CCDC7: variants seen among roughly 807,000 people sequenced by gnomAD.
The protein encoded by CCDC7 is coiled-coil domain containing 7.
Under a neutral mutation model 196.9 loss-of-function variants are expected in CCDC7, and 183 were observed. The observed-to-expected ratio is 0.93, with a 90% CI of 0.82 to 1.05. The LOEUF (loss-of-function observed/expected upper bound fraction) is 1.05. Ranked by LOEUF, CCDC7 falls within the 50% of genes least tolerant of loss-of-function variation. CCDC7 has a pLI of 0.00. For missense variants in CCDC7, 1,540 were observed against 1,482.2 expected, an observed-to-expected ratio of 1.04 and a Z score of -0.64; for synonymous variants, 525 against 484.6, an observed-to-expected ratio of 1.08 and a Z score of -1.10.
At chr10:32,747,768 A>G (rs2075030499) in intron 28 of CCDC7, among the ~76,000 whole-genome samples, 2 of 152,224 alleles carry the variant, frequency 1.3e-5, no homozygotes, top group Non-Finnish European at 2.9e-5. Flanking sequence ...GTTGGAATGT[A>G]AATTAGTTCA....
intron 41 of CCDC7, among the ~76,000 whole-genome samples, chr10:32,874,753 T>TACACACACACACACAC (rs3035173): frequency 0.047 from 6,847 of 145,226 alleles, 192 homozygotes; most frequent in East Asian, 0.1. Flanking sequence ...CCAACATATC[T>TACACACACACACACAC]ACACACACAC....
In CCDC7 at chr10:32,676,285, A is replaced by G. The variant is rs12244308; in HGVS notation, c.2123-9685A>G. ...AAAAACCCTAGAAGAAAACCTAGGC[A>G]ATACCATTCAGGACATAGGCATGGG... On this transcript the variant is annotated intron_variant, in intron 21 of 41. Transcript: ENST00000639629. Among the ~76,000 whole-genome samples the G allele has an allele frequency of 4.7e-3, 716 of 151,178 alleles. 10 individuals carry two copies. The highest frequency in any genetic ancestry group is 0.017 in the African/African-American group (692 of 41,140).
intron 28 of CCDC7, among the ~76,000 whole-genome samples, chr10:32,766,816 T>C (rs184492142): frequency 6.6e-6 from 1 of 152,216 alleles, no homozygotes; most frequent in Admixed American, 6.6e-5. Flanking sequence ...CAAATACCTA[T>C]GGTCTCCACT....
chr10:32,500,007 A>G (rs1001604078), intron 9 of CCDC7, among the ~76,000 whole-genome samples: 1 of 152,212 alleles, frequency 6.6e-6, no homozygotes, highest in Non-Finnish European at 1.5e-5. Flanking sequence ...ACTTCTTTCT[A>G]CACAGACACA....
rs560147234 is a variant in CCDC7, at chr10:32,874,674, TAC to T, written c.4112-1661_4112-1660del. ...GTGTGTATGTATATATATATATACA[TAC>T]ACACACACACATACACACATATGTA... On this transcript the variant is annotated intron_variant, in intron 41 of 41. Transcript: ENST00000639629. 8.7e-5 allele frequency among the ~76,000 whole-genome samples: 13 copies of T among 149,192 alleles called. No homozygotes were observed. In the South Asian group the frequency reaches 1.3e-3, roughly 15 times the overall value.
chr10:32,845,816 C>A, intron 35 of CCDC7, 60 bp from the exon 37 acceptor site: 2 of 1,324,480 alleles, frequency 1.5e-6, no homozygotes, highest in Admixed American at 1.7e-5. Flanking sequence ...CACAGATACA[C>A]ACAGAGGTAT....
intron 21 of CCDC7, among the ~76,000 whole-genome samples, chr10:32,668,929 T>G (rs2073438171): frequency 6.6e-6 from 1 of 152,148 alleles, no homozygotes. Flanking sequence ...CTGCCAGTGT[T>G]CTGTAGAATA....
Position 32,708,943 on chromosome 10 carries a change from C to G in CCDC7, c.2459-2677C>G, listed in dbSNP as rs2080303534. On this transcript the variant is annotated intron_variant, in intron 24 of 41. Coordinates refer to ENST00000639629, the Ensembl canonical transcript of CCDC7. ...CCTCAAGCATCTAGAACTAGAAATA[C>G]CATTTGACCCAGCACTCCCATTACT... 2.0e-5 allele frequency among the ~76,000 whole-genome samples: 3 copies of G among 152,126 alleles called. No individual in the cohort carries two copies. In the South Asian group the frequency reaches 6.2e-4, roughly 32 times the overall value.
intron 20 of CCDC7, among the ~76,000 whole-genome samples, chr10:32,639,686 G>GGC (rs2066355338): frequency 1.3e-5 from 2 of 149,342 alleles, no homozygotes; most frequent in Non-Finnish European, 3.0e-5. Context: ...GGAGTGCAGT[G>GGC]GCACGATCTC....
intron 25 of CCDC7, among the ~76,000 whole-genome samples, chr10:32,718,194 T>C (rs1405248010): frequency 6.6e-6 from 1 of 152,134 alleles, no homozygotes; most frequent in African/African-American, 2.4e-5. Flanking sequence ...CACGATCAGG[T>C]CAGCTTCATC....
At chr10:32,771,446 A>T (rs1056192421) in intron 28 of CCDC7, among the ~76,000 whole-genome samples, 2 of 152,198 alleles carry the variant, frequency 1.3e-5, no homozygotes, top group Non-Finnish European at 2.9e-5. Flanking sequence ...GATGTTGAAG[A>T]TAGTTTCCCA....
At chr10:32,754,395 C>A (rs2076097665) in intron 28 of CCDC7, among the ~76,000 whole-genome samples, 1 of 152,074 alleles carries the variant, frequency 6.6e-6, no homozygotes, top group African/African-American at 2.4e-5. Flanking sequence ...GAAATGTTGA[C>A]TACATAGGGA....
intron 11 of CCDC7, among the ~76,000 whole-genome samples, chr10:32,525,969 C>A (rs73251587): frequency 0.046 from 6,937 of 152,274 alleles, 534 homozygotes; most frequent in African/African-American, 0.16. Context: ...TTGAAGCCAG[C>A]ACAGGACTGG....
intron 11 of CCDC7, among the ~76,000 whole-genome samples, chr10:32,532,508 G>A (rs78620612): frequency 0.023 from 3,508 of 152,146 alleles, 55 homozygotes; most frequent in Non-Finnish European, 0.039. Flanking sequence ...TGTATTCTGC[G>A]GCAGTTGGGC....
At chr10:32,614,132 G>A (rs2062497551) in intron 18 of CCDC7, among the ~76,000 whole-genome samples, 1 of 151,810 alleles carries the variant, frequency 6.6e-6, no homozygotes, top group Non-Finnish European at 1.5e-5. Context: ...AGCTCTTCTT[G>A]TTGCATTGAT....
chr10:32,784,728 G>A (rs1454511433), intron 29 of CCDC7, among the ~76,000 whole-genome samples: 3 of 152,138 alleles, frequency 2.0e-5, no homozygotes, highest in East Asian at 1.9e-4. Context: ...CGTGCTGGGC[G>A]CCGTGACTCG....
rs60002951 is a variant in CCDC7 at position 32,459,646 on chromosome 10, ATTTTTTT to A, written c.457-3016_457-3010del. Among the ~76,000 whole-genome samples, 218 of 68,730 alleles carry A rather than the reference ATTTTTTT, an allele frequency of 3.2e-3. 4 individuals are homozygous for A. In the South Asian group the frequency reaches 0.047, roughly 15 times the overall value. The allele number at this position is 68,730 out of a possible 152,430, so 45.1% of individuals were successfully genotyped here. On this transcript the variant is annotated intron_variant, in intron 3 of 41. Coordinates refer to ENST00000639629, the Ensembl canonical transcript of CCDC7. Reference sequence around the variant, plus strand: ...AAGCCTTTGGACTTCCCTGCTGCACATTTTTTTTTTTTTTTTTTTTTTTTTTTGCTGT... The same window carrying A: ...AAGCCTTTGGACTTCCCTGCTGCACATTTTTTTTTTTTTTTTTTTTGCTGT...
At chr10:32,649,345 C>T (rs761017854) in intron 20 of CCDC7, among the ~76,000 whole-genome samples, 3 of 152,098 alleles carry the variant, frequency 2.0e-5, no homozygotes, top group Non-Finnish European at 2.9e-5. Flanking sequence ...GAAAATTGGC[C>T]CCCAATCTTT....
intron 41 of CCDC7, among the ~76,000 whole-genome samples, chr10:32,875,211 T>C (rs994317973): frequency 7.2e-5 from 11 of 151,982 alleles, no homozygotes; most frequent in Admixed American, 3.9e-4. Context: ...CTTTGCCTGA[T>C]CCTATGTCCA....
Sources: gnomAD v4.1 joint callset for allele counts (sites outside exome capture counted in the v4.1 genomes callset) on GRCh38, gnomAD v4.1.1 for gene constraint, MANE v1.5 for transcripts, NCBI Gene and HGNC (gene_info 2026-07-23, HGNC 2026-07-21) for gene names.